Variants in PRKCB observed in about 807,000 individuals in gnomAD.
PRKCB encodes protein kinase C beta.
PRKCB carries 13 observed loss-of-function variants against 81.5 expected under a neutral mutation model. The ratio of observed to expected loss-of-function variants is 0.16; its 90% CI spans 0.10 to 0.25. PRKCB has a LOEUF of 0.25. Among genes scored for constraint, PRKCB ranks in the 10% least tolerant of loss-of-function variants. The pLI is 1.00. For missense variants in PRKCB, 509 were observed against 875.7 expected, an observed-to-expected ratio of 0.58 and a Z score of 5.29; for synonymous variants, 335 against 321.4, an observed-to-expected ratio of 1.04 and a Z score of -0.45.
At chr16:24,214,373 C>G (rs749394679) in intron 16 of PRKCB, among the ~76,000 whole-genome samples, 1 of 152,112 alleles carries the variant, frequency 6.6e-6, no homozygotes, top group Non-Finnish European at 1.5e-5. Context: ...CCCACCATCT[C>G]ATGCCTTTGC....
chr16:23,986,109 T>C (rs1022485352), intron 2 of PRKCB, among the ~76,000 whole-genome samples: 2 of 152,054 alleles, frequency 1.3e-5, no homozygotes, highest in African/African-American at 4.8e-5. Flanking sequence ...CATATAAAAG[T>C]ACAAAAAAAC....
chr16:24,016,576 A>T lies in PRKCB; in HGVS notation c.289-15560A>T, dbSNP rs780747563. On this transcript the variant is annotated intron_variant, in intron 3 of 16. Transcript: ENST00000643927. The stretch of plus-strand genomic sequence containing the variant: ...GACAATAACTTTTCTGTATTTTAGC[A>T]ACAACCAGTTAAAATAAATTTGAAA... 2.6e-5 allele frequency among the ~76,000 whole-genome samples: 4 copies of T among 152,206 alleles called. No individual in the cohort carries two copies. The South Asian group carries it at 6.2e-4, about 24-fold the overall frequency.
At chr16:24,082,563 C>T (rs1374224525) in intron 5 of PRKCB, among the ~76,000 whole-genome samples, 4 of 152,114 alleles carry the variant, frequency 2.6e-5, no homozygotes, top group African/African-American at 7.2e-5. Flanking sequence ...CACACAAATA[C>T]GGCCTATTGA....
chr16:24,056,587 C>T (rs1965904983), intron 5 of PRKCB, among the ~76,000 whole-genome samples: 1 of 152,142 alleles, frequency 6.6e-6, no homozygotes, highest in African/African-American at 2.4e-5. Context: ...GGGCAGACAC[C>T]TCATGCCTGG....
chr16:23,874,902 C>G (rs1962969651), intron 2 of PRKCB, among the ~76,000 whole-genome samples: 1 of 152,076 alleles, frequency 6.6e-6, no homozygotes, highest in Non-Finnish European at 1.5e-5. Flanking sequence ...GGTTTCTGGA[C>G]CTTAATACTT....
chr16:24,138,992 C>T (rs995767769), intron 9 of PRKCB, among the ~76,000 whole-genome samples: 2 of 151,866 alleles, frequency 1.3e-5, no homozygotes, highest in Middle Eastern at 3.4e-3. Context: ...GCTGAGATTA[C>T]AGGCATGCAC....
intron 7 of PRKCB, among the ~76,000 whole-genome samples, chr16:24,111,564 A>G (rs543316970): frequency 2.0e-5 from 3 of 151,360 alleles, no homozygotes; most frequent in African/African-American, 4.9e-5. Context: ...AGGCAGGAGG[A>G]TTGCTTGAGC....
At chr16:23,870,867 C>T (rs1962890752) in intron 2 of PRKCB, among the ~76,000 whole-genome samples, 1 of 152,144 alleles carries the variant, frequency 6.6e-6, no homozygotes, top group African/African-American at 2.4e-5. Context: ...TGGGCTTGCT[C>T]GTGTGTCTTT....
chr16:23,869,253 G>A, intron 2 of PRKCB: 1 of 360,874 alleles, frequency 2.8e-6, no homozygotes, highest in Non-Finnish European at 5.8e-6. Flanking sequence ...TCTGCCACAA[G>A]ACCAAGAAAG....
chr16:23,866,808 G>A (rs368065891), intron 2 of PRKCB, among the ~76,000 whole-genome samples: 4 of 152,256 alleles, frequency 2.6e-5, no homozygotes, highest in South Asian at 4.1e-4. Flanking sequence ...GTGTGTTTCC[G>A]TCTCACTGCA....
intron 2 of PRKCB, among the ~76,000 whole-genome samples, chr16:23,981,462 G>T (rs1964701159): frequency 6.6e-6 from 1 of 152,010 alleles, no homozygotes; most frequent in African/African-American, 2.4e-5. Flanking sequence ...TATATTCACA[G>T]GTCCCAGGAT....
chr16:24,022,522 C>CG (rs1363193896), intron 3 of PRKCB, among the ~76,000 whole-genome samples: 1 of 152,066 alleles, frequency 6.6e-6, no homozygotes, highest in African/African-American at 2.4e-5. Context: ...GACAGAGTCT[C>CG]GCTCTGTTGC....
At chr16:23,881,443 G>C (rs1446495319) in intron 2 of PRKCB, among the ~76,000 whole-genome samples, 1 of 151,804 alleles carries the variant, frequency 6.6e-6, no homozygotes, top group Non-Finnish European at 1.5e-5. Context: ...GGAGAGACGG[G>C]GTTTCATCAT....
intron 2 of PRKCB, among the ~76,000 whole-genome samples, chr16:23,860,172 T>C (rs1201715764): frequency 2.0e-5 from 3 of 152,176 alleles, no homozygotes; most frequent in Non-Finnish European, 4.4e-5. Context: ...ACCTACCTAA[T>C]AAGAGTTGTC....
chr16:24,156,874 C>T (rs1395119884), intron 10 of PRKCB, among the ~76,000 whole-genome samples: 1 of 152,160 alleles, frequency 6.6e-6, no homozygotes, highest in Non-Finnish European at 1.5e-5. Flanking sequence ...AGGCAAAGGA[C>T]AGTCTCCGTC....
intron 2 of PRKCB, among the ~76,000 whole-genome samples, chr16:23,853,174 A>G (rs1172555633): frequency 6.6e-6 from 1 of 152,228 alleles, no homozygotes; most frequent in Non-Finnish European, 1.5e-5. Context: ...AGGGCTTAAC[A>G]TTTCAAAAAT....
intron 3 of PRKCB, among the ~76,000 whole-genome samples, chr16:24,016,402 A>G (rs1965278154): frequency 6.6e-6 from 1 of 152,038 alleles, no homozygotes. Context: ...CTAATGAACT[A>G]AGATCACTCG....
At chr16:24,020,990 T>TTCTTTCTTTCTC (rs1170957069) in intron 3 of PRKCB, among the ~76,000 whole-genome samples, 1 of 128,258 alleles carries the variant, frequency 7.8e-6, no homozygotes, top group Non-Finnish European at 1.7e-5. Context: ...CTTTCTTTCT[T>TTCTTTCTTTCTC]TCTTTCTTTC....
intron 12 of PRKCB, among the ~76,000 whole-genome samples, chr16:24,180,236 C>T (rs915619200): frequency 6.6e-6 from 1 of 152,130 alleles, no homozygotes; most frequent in African/African-American, 2.4e-5. Context: ...AGCCAATGTG[C>T]CCTGCCAAAT....
Sources: gnomAD v4.1 joint callset for allele counts (sites outside exome capture counted in the v4.1 genomes callset) on GRCh38, gnomAD v4.1.1 for gene constraint, MANE v1.5 for transcripts, NCBI Gene and HGNC (gene_info 2026-07-23, HGNC 2026-07-21) for gene names.